Variants in MGAT4C observed in about 807,000 individuals in gnomAD.
The protein encoded by MGAT4C is alpha-1,3-mannosyl-glycoprotein 4-beta-N-acetylglucosaminyltransferase C.
Under a neutral mutation model 40.1 loss-of-function variants are expected in MGAT4C, and 19 were observed. That is an observed-to-expected ratio of 0.47 (90% confidence interval 0.33 to 0.70). The LOEUF (loss-of-function observed/expected upper bound fraction) is 0.70. Ranked by LOEUF, MGAT4C falls within the 30% of genes least tolerant of loss-of-function variation. The pLI, the probability that MGAT4C is intolerant of heterozygous loss-of-function variation, is 0.02. For missense variants in MGAT4C, 491 were observed against 563.2 expected, an observed-to-expected ratio of 0.87 and a Z score of 1.30; for synonymous variants, 181 against 187.1, an observed-to-expected ratio of 0.97 and a Z score of 0.27.
At chr12:86,099,375 T>G (rs1175131422) in intron 1 of MGAT4C, among the ~76,000 whole-genome samples, 1 of 101,454 alleles carries the variant, frequency 9.9e-6, no homozygotes, top group East Asian at 3.4e-4. Flanking sequence ...GGTTATTAAT[T>G]TCTTTCTTTT....
At chr12:86,045,782 T>C (rs1358481275) in intron 2 of MGAT4C, among the ~76,000 whole-genome samples, 1 of 152,246 alleles carries the variant, frequency 6.6e-6, no homozygotes, top group South Asian at 2.1e-4. Context: ...AGCATATTCA[T>C]AACATGCTTG....
intron 2 of MGAT4C, among the ~76,000 whole-genome samples, chr12:86,690,792 T>C (rs747183249): frequency 6.6e-6 from 1 of 152,178 alleles, no homozygotes; most frequent in Admixed American, 6.5e-5. Context: ...AATGTTGATG[T>C]TCTCAGGACT....
At chr12:86,401,917 T>C (rs1055808716) in intron 3 of MGAT4C, among the ~76,000 whole-genome samples, 1 of 152,150 alleles carries the variant, frequency 6.6e-6, no homozygotes, top group Non-Finnish European at 1.5e-5. Context: ...AGAAACAATT[T>C]GATAATTTAA....
chr12:86,583,399 T>C (rs1960874737), intron 2 of MGAT4C, among the ~76,000 whole-genome samples: 1 of 151,346 alleles, frequency 6.6e-6, no homozygotes, highest in African/African-American at 2.4e-5. Context: ...AGAAAACCAT[T>C]AGCAACAGTA....
intron 2 of MGAT4C, among the ~76,000 whole-genome samples, chr12:86,646,705 G>A (rs1441193094): frequency 1.3e-5 from 2 of 151,922 alleles, no homozygotes; most frequent in East Asian, 3.9e-4. Flanking sequence ...GGCCAAAATG[G>A]TTACATGTTT....
At chr12:86,160,180 A>G (rs906733531) in intron 1 of MGAT4C, among the ~76,000 whole-genome samples, 1 of 152,088 alleles carries the variant, frequency 6.6e-6, no homozygotes, top group Non-Finnish European at 1.5e-5. Flanking sequence ...TTAGGACTAC[A>G]AACTTTCCTC....
chr12:86,121,783 C>T (rs1879414244), intron 1 of MGAT4C, among the ~76,000 whole-genome samples: 1 of 152,196 alleles, frequency 6.6e-6, no homozygotes, highest in African/African-American at 2.4e-5. Flanking sequence ...GTACTAGCCA[C>T]TGCAAAAACA....
chr12:86,175,485 A>C (rs1215844664), intron 1 of MGAT4C, among the ~76,000 whole-genome samples: 1 of 152,136 alleles, frequency 6.6e-6, no homozygotes. Context: ...TATTAAATCC[A>C]TTCTTTTGTT....
At chr12:86,167,481 A>T (rs184891494) in intron 1 of MGAT4C, among the ~76,000 whole-genome samples, 76 of 152,342 alleles carry the variant, frequency 5.0e-4, no homozygotes, top group African/African-American at 1.6e-3. Flanking sequence ...CTGCTATAAC[A>T]GAATACCACA....
At chr12:86,332,879 C>T (rs1194289612) in intron 4 of MGAT4C, among the ~76,000 whole-genome samples, 2 of 152,110 alleles carry the variant, frequency 1.3e-5, no homozygotes, top group African/African-American at 4.8e-5. Context: ...GTTACAAACA[C>T]TTGCATATTA....
intron 2 of MGAT4C, among the ~76,000 whole-genome samples, chr12:86,615,886 C>G (rs1962431442): frequency 6.6e-6 from 1 of 151,998 alleles, no homozygotes; most frequent in Non-Finnish European, 1.5e-5. Flanking sequence ...GCAAGAGAAT[C>G]AATGAATGAT....
chr12:86,335,936 C>G (rs1444511130), intron 3 of MGAT4C, among the ~76,000 whole-genome samples: 1 of 152,110 alleles, frequency 6.6e-6, no homozygotes, highest in Non-Finnish European at 1.5e-5. Context: ...TCAGTCCTCT[C>G]TTGCTGAAGC....
intron 2 of MGAT4C, among the ~76,000 whole-genome samples, chr12:86,489,815 G>C (rs1295702209): frequency 6.6e-6 from 1 of 152,164 alleles, no homozygotes. Flanking sequence ...CTGGAAGAAA[G>C]GGTATCAGTG....
intron 2 of MGAT4C, among the ~76,000 whole-genome samples, chr12:86,613,232 A>G (rs1962343333): frequency 6.6e-6 from 1 of 152,188 alleles, no homozygotes; most frequent in Admixed American, 6.5e-5. Context: ...ATAAAGAAAA[A>G]TTTAAAAAAA....
At chr12:86,722,233 G>A (rs561216533) in intron 2 of MGAT4C, among the ~76,000 whole-genome samples, 1 of 152,202 alleles carries the variant, frequency 6.6e-6, no homozygotes, top group South Asian at 2.1e-4. Context: ...GGAGCAAACC[G>A]AAAGAGGGAA....
chr12:86,703,966 T>C (rs1950408589), intron 2 of MGAT4C, among the ~76,000 whole-genome samples: 1 of 152,164 alleles, frequency 6.6e-6, no homozygotes, highest in Non-Finnish European at 1.5e-5. Flanking sequence ...TTATTGTTAC[T>C]TTCTTTCCAT....
chr12:86,469,614 G>GC (rs1957730022), intron 2 of MGAT4C, among the ~76,000 whole-genome samples: 1 of 151,264 alleles, frequency 6.6e-6, no homozygotes. Flanking sequence ...AGTAATTGCG[G>GC]TTTTTTTTTC....
At chr12:85,986,038 A>G (rs908825523) in intron 3 of MGAT4C, among the ~76,000 whole-genome samples, 1 of 152,222 alleles carries the variant, frequency 6.6e-6, no homozygotes, top group Non-Finnish European at 1.5e-5. Context: ...AAGATGGAGT[A>G]CATTCATCCT....
At chr12:86,277,647 G>A (rs1953109262) in intron 4 of MGAT4C, among the ~76,000 whole-genome samples, 1 of 152,152 alleles carries the variant, frequency 6.6e-6, no homozygotes, top group African/African-American at 2.4e-5. Flanking sequence ...ATTTATTTAA[G>A]AGACTGTCCT....
Sources: allele counts gnomAD v4.1 joint callset (sites outside exome capture counted in the v4.1 genomes callset), GRCh38; gene constraint gnomAD v4.1.1; transcripts MANE v1.5; gene names NCBI Gene and HGNC (gene_info 2026-07-23, HGNC 2026-07-21).